The following SIPA1L1 variants were observed in gnomAD, a reference collection of about 807,000 sequenced individuals.
SIPA1L1 encodes the protein signal-induced proliferation-associated 1-like protein 1.
In SIPA1L1, 26 loss-of-function variants were observed where a neutral mutation model predicts 162.7. That is an observed-to-expected ratio of 0.16 (90% CI 0.12 to 0.22). The LOEUF (loss-of-function observed/expected upper bound fraction) is 0.22. Among genes scored for constraint, SIPA1L1 ranks in the 10% least tolerant of loss-of-function variants. The pLI, the probability that SIPA1L1 is intolerant of heterozygous loss-of-function variation, is 1.00. For synonymous variants in SIPA1L1, 829 were observed against 837.4 expected (o/e 0.99, Z 0.17); for missense variants, 1,874 against 2,241.0 (o/e 0.84, Z 3.31).
intron 2 of SIPA1L1, among the ~76,000 whole-genome samples, chr14:71,347,034 C>T (rs558601456): frequency 2.0e-5 from 3 of 151,206 alleles, no homozygotes; most frequent in Non-Finnish European, 4.4e-5. Context: ...TCACTGCAGC[C>T]TCTGCCTTCC....
rs536569598 is a variant in SIPA1L1 at position 71,598,209 on chromosome 14, G to A, written c.1498+8839G>A. ...CAATTGATCCCCACAGGCACAAAAC[G>A]CCATCACAGAGACTGATTTTTACTA... is the stretch of plus-strand genomic sequence containing the variant. On this transcript the variant is annotated intron_variant, in intron 5 of 23. Transcript: ENST00000381232. The A allele has an allele frequency of 2.2e-3, 2,177 of 985,316 alleles. 10 individuals are homozygous for A. Among genetic ancestry groups the A allele is most frequent in the South Asian group, 2.8e-3 (60 of 21,278 alleles). The allele number at this position is 985,316 out of a possible 1,614,324, so 61.0% of individuals were successfully genotyped here. A position where few individuals can be genotyped will look rare whatever the true frequency, so the allele number is the denominator to read the frequency against.
At chr14:71,731,053 C>T (rs972358094) in intron 20 of SIPA1L1, among the ~76,000 whole-genome samples, 3 of 152,306 alleles carry the variant, frequency 2.0e-5, no homozygotes, top group Admixed American at 1.3e-4. Flanking sequence ...TTGCTGGATG[C>T]ACTGCTGTCA....
intron 14 of SIPA1L1, among the ~76,000 whole-genome samples, chr14:71,700,938 G>C (rs1401333279): frequency 6.9e-6 from 1 of 144,506 alleles, no homozygotes; most frequent in East Asian, 2.0e-4. Context: ...AGCTTGCAGT[G>C]AGCCCGAGAT....
At chr14:71,591,402 G>C (rs1172478709) in intron 5 of SIPA1L1, among the ~76,000 whole-genome samples, 1 of 152,086 alleles carries the variant, frequency 6.6e-6, no homozygotes, top group African/African-American at 2.4e-5. Flanking sequence ...TCTGATCTCT[G>C]CTAGGTTAAA....
intron 4 of SIPA1L1, among the ~76,000 whole-genome samples, chr14:71,570,950 C>T (rs956924859): frequency 2.0e-5 from 3 of 152,088 alleles, no homozygotes; most frequent in African/African-American, 4.8e-5. Flanking sequence ...TGCGCACCAC[C>T]ACACCCAGCC....
At chr14:71,568,510 T>G (rs545898825) in intron 4 of SIPA1L1, among the ~76,000 whole-genome samples, 26 of 149,788 alleles carry the variant, frequency 1.7e-4, no homozygotes, top group Non-Finnish European at 3.3e-4. Context: ...GAGGTCTCCT[T>G]AGCATAGTTC....
At chr14:71,546,627 C>G (rs72729931) in intron 4 of SIPA1L1, among the ~76,000 whole-genome samples, 1 of 152,062 alleles carries the variant, frequency 6.6e-6, no homozygotes, top group African/African-American at 2.4e-5. Flanking sequence ...AGTTATCTAC[C>G]GTGCCCGGCC....
In SIPA1L1 at chr14:71,446,894, G is replaced by GTTTTTTTTTTTTTTT. The variant is rs765106790; in HGVS notation, c.-464-65838_-464-65837insTTTTTTTTTTTTTTT. On this transcript the variant is annotated intron_variant, in intron 2 of 23. Transcript: ENST00000381232. The stretch of plus-strand genomic sequence containing the variant: ...CTGCAAATAAAGAGAGATGGGCTCT[G>GTTTTTTTTTTTTTTT]TTTTTTTTTTTGTTTTTTTTTTTTT... 3.2e-4 allele frequency among the ~76,000 whole-genome samples: 28 copies of GTTTTTTTTTTTTTTT among 87,404 alleles called. 2 individuals are homozygous for GTTTTTTTTTTTTTTT. The highest frequency in any genetic ancestry group is 7.0e-4 in the African/African-American group (16 of 23,000). The allele number at this position is 87,404 out of a possible 152,430, so 57.3% of individuals were successfully genotyped here.
intron 9 of SIPA1L1, 58 bp from the exon 10 acceptor site, chr14:71,661,252 G>A: frequency 6.4e-7 from 1 of 1,568,724 alleles, no homozygotes; most frequent in South Asian, 1.2e-5. Context: ...AAGGGAATTG[G>A]GGTGGCGGGG....
At chr14:71,446,755 T>C (rs2045375242) in intron 2 of SIPA1L1, among the ~76,000 whole-genome samples, 1 of 152,074 alleles carries the variant, frequency 6.6e-6, no homozygotes, top group Admixed American at 6.6e-5. Context: ...ACTTTTTCTG[T>C]TGCAGTCCCA....
chr14:71,358,442 C>T (rs927591329), intron 2 of SIPA1L1, among the ~76,000 whole-genome samples: 10 of 152,238 alleles, frequency 6.6e-5, no homozygotes, highest in East Asian at 1.9e-4. Flanking sequence ...CGTGTATAGT[C>T]GGTACAAGTT....
At chr14:71,510,377 A>G (rs572924386) in intron 2 of SIPA1L1, among the ~76,000 whole-genome samples, 209 of 151,748 alleles carry the variant, frequency 1.4e-3, no homozygotes, top group Non-Finnish European at 2.4e-3. Flanking sequence ...TAGTAGAGAC[A>G]GGGTTTCATT....
chr14:71,656,030 C>A (rs776061297), intron 8 of SIPA1L1, among the ~76,000 whole-genome samples: 11 of 152,196 alleles, frequency 7.2e-5, no homozygotes, highest in Non-Finnish European at 1.5e-4. Context: ...TTTTGGAATT[C>A]TTTTCTTCTT....
intron 2 of SIPA1L1, among the ~76,000 whole-genome samples, chr14:71,478,853 G>A (rs1175161194): frequency 2.0e-5 from 3 of 152,126 alleles, no homozygotes; most frequent in Non-Finnish European, 2.9e-5. Context: ...GAGCTCCTCT[G>A]ATCAGAGAGG....
intron 2 of SIPA1L1, among the ~76,000 whole-genome samples, chr14:71,366,426 G>T (rs2038300372): frequency 6.6e-6 from 1 of 151,964 alleles, no homozygotes; most frequent in Non-Finnish European, 1.5e-5. Flanking sequence ...TTCTGTTTTG[G>T]CTCTGCATTT....
intron 5 of SIPA1L1, among the ~76,000 whole-genome samples, chr14:71,593,339 G>C (rs2035636915): frequency 6.6e-6 from 1 of 152,016 alleles, no homozygotes; most frequent in Non-Finnish European, 1.5e-5. Flanking sequence ...AGCCTCCCAG[G>C]TAGCTGGGAT....
chr14:71,588,511 T>TA lies in SIPA1L1; in HGVS notation c.642dup (p.Gln215ThrfsTer10). Reference sequence around the variant, plus strand: ...AATATGGTAGCACATCTTCAATTGATAAACAGGGAACATCTGGAGAAAGCT... The same window carrying TA: ...AATATGGTAGCACATCTTCAATTGATAAAACAGGGAACATCTGGAGAAAGCT... On this transcript the variant is annotated frameshift_variant, in exon 5 of 24. Transcript: ENST00000381232. LOFTEE classifies it high-confidence loss of function. The surrounding 1 kb of genome is among the most constrained non-coding windows in gnomAD (Gnocchi z 4.3). The TA allele has an allele frequency of 6.2e-7, 1 of 1,614,128 alleles. No individual in the cohort carries two copies.
intron 17 of SIPA1L1, among the ~76,000 whole-genome samples, chr14:71,714,216 T>C (rs1051447024): frequency 2.0e-5 from 3 of 152,204 alleles, no homozygotes. Context: ...TGGGGGTGGT[T>C]ATTTTATCCA....
chr14:71,372,258 C>T (rs1174116274), intron 2 of SIPA1L1, among the ~76,000 whole-genome samples: 3 of 152,094 alleles, frequency 2.0e-5, no homozygotes, highest in Non-Finnish European at 4.4e-5. Flanking sequence ...CTTTTAGTTG[C>T]TATCAGTATG....
Sources: gnomAD v4.1 joint callset for allele counts (sites outside exome capture counted in the v4.1 genomes callset) on GRCh38, gnomAD v4.1.1 for gene constraint, Gnocchi (gnomAD v3.1) non-coding constraint, MANE v1.5 for transcripts, NCBI Gene and HGNC (gene_info 2026-07-23, HGNC 2026-07-21) for gene names.